The following PDE6B variants were observed in gnomAD, a reference collection of about 807,000 sequenced individuals.
PDE6B encodes the protein phosphodiesterase 6B.
A neutral mutation model predicts 109.0 loss-of-function variants in PDE6B; 106 were observed. The observed-to-expected ratio is 0.97, with a 90% CI of 0.83 to 1.14. The LOEUF is 1.14. Ranked by LOEUF, PDE6B falls within the 50% of genes most tolerant of loss-of-function variation. The probability of loss-of-function intolerance (pLI) is 0.00; values close to 1 mark genes in which losing one functional copy is unlikely to be tolerated. For synonymous variants in PDE6B, 490 were observed against 471.3 expected, an observed-to-expected ratio of 1.04 and a Z score of -0.51; for missense variants, 1,193 against 1,155.6, an observed-to-expected ratio of 1.03 and a Z score of -0.47.
In PDE6B at chr4:636,031, G is replaced by A; in HGVS notation, c.711+62G>A. ...CCAGGGTCCCTCCGCCCATCTCGCT[G>A]CCTGCACAGAGGCGGGTGGTGGCAG... On this transcript the variant is annotated intron_variant, in intron 3 of 21. Coordinates refer to ENST00000496514, the MANE Select transcript of PDE6B (RefSeq NM_000283.4). The surrounding 1 kb of genome is among the most constrained non-coding windows in gnomAD (Gnocchi z 4.5). The A allele has an allele frequency of 1.0e-6, 1 of 971,376 alleles. No homozygotes were observed. The highest frequency in any genetic ancestry group is 1.7e-6 in the Non-Finnish European group (1 of 597,432). The allele number at this position is 971,376 out of a possible 1,614,324, so 60.2% of individuals were successfully genotyped here.
chr4:625,659 T>C lies in PDE6B; in HGVS notation c.33T>C (p.Phe11=), dbSNP rs754268106. ...TCAGTGAGGAGCAGGCCCGGAGCTTTCTGGACCAGAACCCCGATTTTGCCC... is the reference window on the plus strand; with the variant it reads ...TCAGTGAGGAGCAGGCCCGGAGCTTCCTGGACCAGAACCCCGATTTTGCCC... The part of the protein sequence containing the change: MSLSEEQARS[F]LDQNPDFARQ... Residue 11 remains phenylalanine (F), a synonymous_variant, in exon 1 of 22, where the codon TTT becomes TTC. Coordinates refer to ENST00000496514, the MANE Select transcript of PDE6B (RefSeq NM_000283.4). This position sits in a 1 kb window ranked among gnomAD's most constrained non-coding sequence, Gnocchi z 5.0. The C allele has an allele frequency of 1.9e-6, 3 of 1,613,916 alleles. No homozygotes were observed. The South Asian group carries it at 3.3e-5, about 18-fold the overall frequency.
At chr4:658,812 G>A in intron 10 of PDE6B, 140 bp from the exon 11 acceptor site, 1 of 700,606 alleles carries the variant, frequency 1.4e-6, no homozygotes, top group East Asian at 2.7e-5. Flanking sequence ...CTCCAGATCA[G>A]AGGCCGCCAG....
chr4:665,198 C>T lies in PDE6B; in HGVS notation c.2194-57C>T, dbSNP rs1482022129. The stretch of plus-strand genomic sequence containing the variant: ...GGCTCGGAGCCTCACGGGGCGGGCC[C>T]GGGCCCTTCCGCGTGGGCTCAGAGC... On this transcript the variant is annotated intron_variant, in intron 18 of 21. Transcript: ENST00000496514. This position sits in a 1 kb window ranked among gnomAD's most constrained non-coding sequence, Gnocchi z 4.0. The T allele has an allele frequency of 1.1e-5, 14 of 1,326,512 alleles. No homozygotes were observed. The highest frequency in any genetic ancestry group is 5.4e-5 in the Admixed American group (3 of 55,462). 82.2% of individuals were successfully genotyped at this position (1,326,512 alleles called of 1,614,324 possible).
Position 650,354 on chromosome 4 carries a change from C to T in PDE6B, c.712-3498C>T, listed in dbSNP as rs959685074. ...GAGCTCAACACTGCTGGGTGTCCGG[C>T]CCCCCCTGTCCCCACTGCCCAGGAC... On this transcript the variant is annotated intron_variant, in intron 3 of 21. Coordinates refer to ENST00000496514, the MANE Select transcript of PDE6B (RefSeq NM_000283.4). 3.3e-5 allele frequency among the ~76,000 whole-genome samples: 5 copies of T among 152,166 alleles called. No homozygotes were observed. The East Asian group carries it at 7.7e-4, about 23-fold the overall frequency.
intron 3 of PDE6B, among the ~76,000 whole-genome samples, chr4:646,146 G>A (rs556879100): frequency 9.9e-5 from 15 of 152,022 alleles, no homozygotes; most frequent in African/African-American, 3.6e-4. Flanking sequence ...GAACTTCTTT[G>A]AACATTTTCT....
chr4:657,041 C>T lies in PDE6B; in HGVS notation c.1257+18C>T, dbSNP rs548482275. The T allele has an allele frequency of 4.6e-5, 74 of 1,611,616 alleles. No homozygotes were observed. In the Middle Eastern group the frequency reaches 8.3e-4, roughly 18 times the overall value. Reference sequence around the variant, plus strand: ...TCATGGAGGTAAGCACCTGGGCAGACGTGGTTCCGCCGGGGATGCCCTGCG... The same window carrying T: ...TCATGGAGGTAAGCACCTGGGCAGATGTGGTTCCGCCGGGGATGCCCTGCG... On this transcript the variant is annotated intron_variant, in intron 9 of 21. Transcript: ENST00000496514.
intron 1 of PDE6B, among the ~76,000 whole-genome samples, chr4:631,293 G>C (rs1560102089): frequency 6.6e-6 from 1 of 152,236 alleles, no homozygotes; most frequent in Admixed American, 6.5e-5. Context: ...TCAGGTCTGA[G>C]ATCCAGGAAG....
intron 3 of PDE6B, among the ~76,000 whole-genome samples, chr4:645,560 G>C (rs1245911385): frequency 1.3e-5 from 2 of 151,920 alleles, no homozygotes; most frequent in Non-Finnish European, 2.9e-5. Context: ...CTCCCAAAGT[G>C]CTGGGATTAC....
chr4:627,327 A>G (rs908125703), intron 1 of PDE6B, among the ~76,000 whole-genome samples: 2 of 151,940 alleles, frequency 1.3e-5, no homozygotes, highest in African/African-American at 4.8e-5. Context: ...TGTATTTTTA[A>G]TAGAGACAGA....
At position 664,925 on chromosome 4, in the gene PDE6B, C is replaced by T. The variant is rs886059546; in HGVS notation, c.2174C>T (p.Pro725Leu). The change falls in exon 18 of 22, where the codon CCC becomes CTC. Residue 725 changes from proline to leucine, a missense_variant. Transcript: ENST00000496514. ...TGCGACCTGTCTGCCATCACCAAGC[C>T]CTGGGAAGTCCAGAGCAAGGTTAGA... ...TACDLSAITKPWEVQSKVALL... is the reference protein window; with the variant it reads ...TACDLSAITKLWEVQSKVALL... The T allele has an allele frequency of 3.1e-6, 5 of 1,613,108 alleles. No individual in the cohort carries two copies. Among genetic ancestry groups the T allele is most frequent in the Admixed American group, 1.7e-5 (1 of 60,036 alleles).
Position 663,625 on chromosome 4 carries a change from G to A in PDE6B, c.1921-145G>A. On this transcript the variant is annotated intron_variant, in intron 15 of 21. Coordinates refer to ENST00000496514, the MANE Select transcript of PDE6B (RefSeq NM_000283.4). The surrounding 1 kb of genome is among the most constrained non-coding windows in gnomAD (Gnocchi z 4.0). ...GGCACCCTGAGGAGGGCCCTGAGCAGCAGGCGGATTAGGGGTCCCGCCCAC... is the reference window on the plus strand; with the variant it reads ...GGCACCCTGAGGAGGGCCCTGAGCAACAGGCGGATTAGGGGTCCCGCCCAC... The A allele has an allele frequency of 1.4e-6, 1 of 697,814 alleles. No individual in the cohort carries two copies. The highest frequency in any genetic ancestry group is 2.6e-6 in the Non-Finnish European group (1 of 380,506). The allele number at this position is 697,814 out of a possible 1,614,324, so 43.2% of individuals were successfully genotyped here. A position where few individuals can be genotyped will look rare whatever the true frequency, so the allele number is the denominator to read the frequency against.
chr4:655,016 C>T (rs796506736), intron 6 of PDE6B, 128 bp downstream of exon 6: 6 of 735,654 alleles, frequency 8.2e-6, no homozygotes, highest in South Asian at 1.4e-5. Flanking sequence ...TGGCCTGGCC[C>T]CACCTGTGGT....
intron 12 of PDE6B, among the ~76,000 whole-genome samples, chr4:660,974 T>TCGTTGG (rs1401026718): frequency 6.6e-6 from 1 of 151,226 alleles, no homozygotes. Context: ...GGTAGTTGGA[T>TCGTTGG]AGTTGGATAA....
At chr4:661,415 C>G (rs960384050) in intron 12 of PDE6B, 1 of 152,554 alleles carries the variant, frequency 6.6e-6, no homozygotes, top group African/African-American at 2.4e-5. Context: ...TCCCAGCCCT[C>G]GTCCACAGCT....
chr4:656,491 G>A (rs1249803376), intron 8 of PDE6B, among the ~76,000 whole-genome samples, 199 bp downstream of exon 8: 1 of 150,228 alleles, frequency 6.7e-6, no homozygotes, highest in Non-Finnish European at 1.5e-5. Context: ...CCCCACACAC[G>A]CCCGCAAGGC....
intron 3 of PDE6B, among the ~76,000 whole-genome samples, chr4:639,507 C>G (rs1360745885): frequency 6.6e-6 from 1 of 152,104 alleles, no homozygotes; most frequent in Non-Finnish European, 1.5e-5. Flanking sequence ...GTCTGAACAG[C>G]CTTTTCTAAA....
chr4:650,397 G>A (rs944748803), intron 3 of PDE6B, among the ~76,000 whole-genome samples: 3 of 152,238 alleles, frequency 2.0e-5, no homozygotes, highest in Admixed American at 1.3e-4. Context: ...CCCCAGGTGC[G>A]AAGCCTCACA....
Position 670,082 on chromosome 4 carries a change from A to C in PDE6B, c.2540A>C (p.Lys847Thr). 6.2e-7 allele frequency: 1 copy of C among 1,613,160 alleles called. No homozygotes were observed. Among genetic ancestry groups the C allele is most frequent in the Non-Finnish European group, 8.5e-7 (1 of 1,179,608 alleles). Residue 847 changes from lysine (K) to threonine (T), a missense_variant, in exon 22 of 22, where the codon AAG becomes ACG. By Grantham distance (78) the Lys-to-Thr change is moderately conservative (BLOSUM62 -1). Transcript: ENST00000496514. ...ATTTGCAATGGCGGCCCAGCACCCA[A>C]GTCTTCAACCTGCTGTATCCTGTGA... ...TEICNGGPAP[K>T]SSTCCIL
intron 3 of PDE6B, among the ~76,000 whole-genome samples, chr4:644,583 G>A (rs182879128): frequency 2.9e-4 from 44 of 151,908 alleles, no homozygotes; most frequent in African/African-American, 7.5e-4. Flanking sequence ...AGGCTGGAGC[G>A]CAGTGGTGTG....
Sources: allele counts gnomAD v4.1 joint callset (sites outside exome capture counted in the v4.1 genomes callset), GRCh38; gene constraint gnomAD v4.1.1; non-coding constraint Gnocchi (gnomAD v3.1); transcripts MANE v1.5; gene names NCBI Gene and HGNC (gene_info 2026-07-23, HGNC 2026-07-21).